Variants in IFT88 observed in about 807,000 individuals in gnomAD.
The protein encoded by IFT88 is intraflagellar transport 88.
In IFT88, 74 loss-of-function variants were observed where a neutral mutation model predicts 119.5. That is an observed-to-expected ratio of 0.62 (90% CI 0.51 to 0.75). IFT88 has a LOEUF of 0.75. IFT88 is among the 30% of genes least tolerant of loss of function. The pLI is 0.00. For missense variants in IFT88, 961 were observed against 977.7 expected (o/e 0.98, Z 0.23); for synonymous variants, 279 against 316.7 (o/e 0.88, Z 1.26).
intron 22 of IFT88, chr13:20,663,263 G>A: frequency 6.9e-7 from 1 of 1,458,502 alleles, no homozygotes; most frequent in East Asian, 3.0e-5. Context: ...TTCCTTCTAG[G>A]TTCTGGCAGC....
At chr13:20,639,365 C>T (rs2049504732) in intron 17 of IFT88, among the ~76,000 whole-genome samples, 1 of 152,174 alleles carries the variant, frequency 6.6e-6, no homozygotes, top group South Asian at 2.1e-4. Flanking sequence ...TGCTATAGGG[C>T]ATCTGTCTGG....
rs1455748199 is a variant in IFT88, at chr13:20,663,606, T to TATCTC, written c.2175+5_2175+9dup. ...AAAATGAAAGAAATAAGGGAACAGG[T>TATCTC]ATCTCATATGGGCCCCAAACTGCAG... On this transcript the variant is annotated splice_region_variant and intron_variant, in intron 23 of 25. Coordinates refer to ENST00000351808, the MANE Select transcript of IFT88 (RefSeq NM_006531.5). 1.9e-6 allele frequency: 3 copies of TATCTC among 1,597,344 alleles called. No individual in the cohort carries two copies. In the African/African-American group the frequency reaches 4.0e-5, roughly 21 times the overall value.
At chr13:20,634,649 C>G (rs1166937611) in intron 16 of IFT88, among the ~76,000 whole-genome samples, 1 of 151,802 alleles carries the variant, frequency 6.6e-6, no homozygotes, top group African/African-American at 2.4e-5. Flanking sequence ...ATTGCTTGAA[C>G]TTGGGAGGGC....
chr13:20,579,476 T>G (rs535454180), intron 2 of IFT88, among the ~76,000 whole-genome samples: 6 of 152,366 alleles, frequency 3.9e-5, no homozygotes, highest in Middle Eastern at 6.8e-3. Context: ...CAATGTTTAC[T>G]TAAGGCCCAA....
intron 13 of IFT88, among the ~76,000 whole-genome samples, chr13:20,613,196 A>T (rs556644234): frequency 6.6e-6 from 1 of 152,300 alleles, no homozygotes; most frequent in South Asian, 2.1e-4. Context: ...TGTATCTGAG[A>T]GGGGACTTAT....
At chr13:20,580,970 C>G (rs1229355034) in intron 2 of IFT88, among the ~76,000 whole-genome samples, 1 of 151,962 alleles carries the variant, frequency 6.6e-6, no homozygotes, top group Non-Finnish European at 1.5e-5. Context: ...CATGATCCGC[C>G]CACCTCAGCC....
In IFT88 at chr13:20,626,025, T is replaced by C. The variant is rs1337842194; in HGVS notation, c.1299+176T>C. ...AAATAGTTTTAAACTTTTATTAATT[T>C]TTGCCTGTTTGTCGTTTCTTTTTTT... On this transcript the variant is annotated intron_variant, in intron 15 of 25. Transcript: ENST00000351808. Among the ~76,000 whole-genome samples the C allele has an allele frequency of 4.0e-5, 6 of 150,288 alleles. No individual in the cohort carries two copies. In the East Asian group the frequency reaches 1.2e-3, roughly 29 times the overall value.
chr13:20,575,249 A>G (rs113961246), intron 2 of IFT88, among the ~76,000 whole-genome samples: 3 of 152,214 alleles, frequency 2.0e-5, no homozygotes, highest in Admixed American at 6.5e-5. Flanking sequence ...CACTTAATAG[A>G]ATGGCCTCCA....
At chr13:20,575,924 A>G (rs1055483564) in intron 2 of IFT88, among the ~76,000 whole-genome samples, 9 of 152,120 alleles carry the variant, frequency 5.9e-5, no homozygotes, top group Non-Finnish European at 1.5e-5. Context: ...ATCTATTTTT[A>G]GTTTTTTGAG....
intron 24 of IFT88, among the ~76,000 whole-genome samples, chr13:20,675,025 A>G (rs1341025509): frequency 6.6e-6 from 1 of 151,882 alleles, no homozygotes; most frequent in Non-Finnish European, 1.5e-5. Context: ...TTATATTTTA[A>G]TATTCTAGTC....
intron 2 of IFT88, among the ~76,000 whole-genome samples, chr13:20,578,084 G>C (rs1238270966): frequency 2.7e-4 from 30 of 112,530 alleles, no homozygotes; most frequent in African/African-American, 8.7e-4. Flanking sequence ...TCACTCTGTA[G>C]CCCAGGCTGG....
intron 24 of IFT88, among the ~76,000 whole-genome samples, chr13:20,685,171 T>G (rs1298711304): frequency 6.6e-6 from 1 of 152,214 alleles, no homozygotes; most frequent in Non-Finnish European, 1.5e-5. Flanking sequence ...CCTGGCTGAT[T>G]ATCTGCAGCA....
In IFT88 at chr13:20,631,340, C is replaced by A. The variant is rs750486853; in HGVS notation, c.1386+238C>A. On this transcript the variant is annotated intron_variant, in intron 16 of 25. Coordinates refer to ENST00000351808, the MANE Select transcript of IFT88 (RefSeq NM_006531.5). ...GAAGAAAAATTGTAGTGATAAGCAT[C>A]GCATCATAGATTATGCAACATACAG... 5 of 445,014 alleles carry A rather than the reference C, an allele frequency of 1.1e-5. No homozygotes were observed. In the South Asian group the frequency reaches 1.2e-4, roughly 11 times the overall value. The allele number at this position is 445,014 out of a possible 1,614,324, so 27.6% of individuals were successfully genotyped here.
At chr13:20,608,637 A>T (rs963024504) in intron 13 of IFT88, among the ~76,000 whole-genome samples, 1 of 152,162 alleles carries the variant, frequency 6.6e-6, no homozygotes, top group Non-Finnish European at 1.5e-5. Flanking sequence ...CCCGGCTGAG[A>T]TATGCATAGG....
chr13:20,637,630 G>A (rs1016894624), intron 16 of IFT88, among the ~76,000 whole-genome samples: 1 of 152,126 alleles, frequency 6.6e-6, no homozygotes, highest in Non-Finnish European at 1.5e-5. Context: ...AGGAGAAGCT[G>A]GTACCCATGG....
At chr13:20,681,391 C>T (rs1464367283) in intron 24 of IFT88, among the ~76,000 whole-genome samples, 1 of 152,180 alleles carries the variant, frequency 6.6e-6, no homozygotes, top group East Asian at 1.9e-4. Context: ...AATTAGGTTC[C>T]GATCCTCGAG....
Position 20,604,220 on chromosome 13 carries a change from A to AC in IFT88, c.1042-814dup, listed in dbSNP as rs1594091166. 2.0e-5 allele frequency among the ~76,000 whole-genome samples: 3 copies of AC among 152,326 alleles called. No individual in the cohort carries two copies. The East Asian group carries it at 5.8e-4, about 29-fold the overall frequency. On this transcript the variant is annotated intron_variant, in intron 12 of 25. Transcript: ENST00000351808. ...ATGCCACAGTGCTCCAGTCTGGGCA[A>AC]CAGAGCAAGACTCTGTCTCAAAACA... is the stretch of plus-strand genomic sequence containing the variant.
chr13:20,671,156 C>T (rs577354285), intron 24 of IFT88, 117 bp downstream of exon 24: 112 of 592,490 alleles, frequency 1.9e-4, no homozygotes, highest in Non-Finnish European at 2.9e-4. Flanking sequence ...TTGTTCTATA[C>T]ACAGTGAAAC....
intron 14 of IFT88, among the ~76,000 whole-genome samples, chr13:20,621,778 A>G (rs1057487122): frequency 6.6e-6 from 1 of 151,942 alleles, no homozygotes; most frequent in Non-Finnish European, 1.5e-5. Flanking sequence ...TTATGTTAGG[A>G]TTCTTTGTGT....
Sources: gnomAD v4.1 joint callset for allele counts (sites outside exome capture counted in the v4.1 genomes callset) on GRCh38, gnomAD v4.1.1 for gene constraint, MANE v1.5 for transcripts, NCBI Gene and HGNC (gene_info 2026-07-23, HGNC 2026-07-21) for gene names.